Variants in AKAP9 observed in about 807,000 individuals in gnomAD.
The protein encoded by AKAP9 is A-kinase anchoring protein 9.
A neutral mutation model predicts 488.5 loss-of-function variants in AKAP9; 311 were observed. The observed-to-expected ratio is 0.64, with a 90% CI of 0.58 to 0.70. The LOEUF (loss-of-function observed/expected upper bound fraction) is 0.70. Ranked by LOEUF, AKAP9 falls within the 30% of genes least tolerant of loss-of-function variation. AKAP9 has a pLI of 0.00. For missense variants in AKAP9, 4,215 were observed against 4,374.5 expected (o/e 0.96, Z 1.03); for synonymous variants, 1,462 against 1,483.5 (o/e 0.99, Z 0.33).
In AKAP9 at chr7:92,066,459, T is replaced by C; in HGVS notation, c.6243T>C (p.Asp2081=). Residue 2081 remains aspartate, a synonymous_variant, in exon 26 of 50, where the codon GAT becomes GAC. Transcript: ENST00000356239. ...EQAIDREHER[D]VFQQEIQKLE... is the part of the protein sequence containing the mutation. ...CCATTGACAGAGAACATGAGAGAGATGTATTCCAACAGGAAATACAGAAAC... is the reference window on the plus strand; with the variant it reads ...CCATTGACAGAGAACATGAGAGAGACGTATTCCAACAGGAAATACAGAAAC... 1 of 1,613,452 alleles carries C rather than the reference T, an allele frequency of 6.2e-7. No individual in the cohort carries two copies. The highest frequency in any genetic ancestry group is 1.3e-5 in the African/African-American group (1 of 75,024).
In AKAP9 at chr7:92,066,505, GTTCC is replaced by G; in HGVS notation, c.6291_6294del (p.Pro2098AspfsTer16). ...GAAACTAGAACAGCAACTTAAGGTTGTTCCTCGATTCCAGCCTATCAGTGAACAT... is the reference window on the plus strand; with the variant it reads ...GAAACTAGAACAGCAACTTAAGGTTGTCGATTCCAGCCTATCAGTGAACAT... On this transcript the variant is annotated frameshift_variant, in exon 26 of 50. Transcript: ENST00000356239. LOFTEE classifies it high-confidence loss of function. 1 of 1,613,562 alleles carries G rather than the reference GTTCC, an allele frequency of 6.2e-7. No homozygotes were observed. The highest frequency in any genetic ancestry group is 8.5e-7 in the Non-Finnish European group (1 of 1,179,668).
intron 46 of AKAP9, 73 bp from the exon 47 acceptor site, chr7:92,105,605 A>G: frequency 9.5e-7 from 1 of 1,052,070 alleles, no homozygotes; most frequent in Non-Finnish European, 1.5e-6. Context: ...TAAACGTGTG[A>G]TGTGATTTTT....
chr7:91,941,079 C>T lies in AKAP9; in HGVS notation c.-21C>T, dbSNP rs776655265. ...AACCACCCCTCAACCCCTGTTTTCC[C>T]CTGCCTTCCTTGCAGAGGCCATGGA... On this transcript the variant is annotated 5_prime_UTR_variant, in exon 1 of 50. Transcript: ENST00000356239. 2 of 1,612,766 alleles carry T rather than the reference C, an allele frequency of 1.2e-6. No homozygotes were observed. The highest frequency in any genetic ancestry group is 1.7e-6 in the Non-Finnish European group (2 of 1,178,700).
chr7:92,043,968 G>A (rs1271965193), intron 20 of AKAP9, among the ~76,000 whole-genome samples: 1 of 152,166 alleles, frequency 6.6e-6, no homozygotes, highest in African/African-American at 2.4e-5. Flanking sequence ...TAGGACAAGA[G>A]AGTTGTTTAG....
At position 92,067,999 on chromosome 7, in the gene AKAP9, C is replaced by T. The variant is rs1811028389; in HGVS notation, c.6330+1453C>T. 3.3e-5 allele frequency among the ~76,000 whole-genome samples: 5 copies of T among 151,866 alleles called. No homozygotes were observed. The South Asian group carries it at 1.0e-3, about 32-fold the overall frequency. On this transcript the variant is annotated intron_variant, in intron 26 of 49. Coordinates refer to ENST00000356239, the MANE Select transcript of AKAP9 (RefSeq NM_005751.5). ...GATTTCATTTCTCTTAAAAGAAAGC[C>T]GAAGAAGTACAGAGTGCCAATAAAC...
Position 92,052,962 on chromosome 7 carries a change from A to G in AKAP9, c.5601+4A>G. The G allele has an allele frequency of 1.9e-6, 3 of 1,603,554 alleles. No homozygotes were observed. The highest frequency in any genetic ancestry group is 1.3e-5 in the African/African-American group (1 of 74,778). On this transcript the variant is annotated splice_donor_region_variant and intron_variant, in intron 22 of 49. Transcript: ENST00000356239. ...CATAAGTGAAACTAGCAGTCAGGTA[A>G]CCTCCTTATATTGCTAATATGTACT...
At chr7:92,044,691 AT>A in intron 20 of AKAP9, among the ~76,000 whole-genome samples, 1 of 152,010 alleles carries the variant, frequency 6.6e-6, no homozygotes, top group Non-Finnish European at 1.5e-5. Flanking sequence ...GTCTCCCAAG[AT>A]TTTCTCTTAA....
At chr7:91,986,484 C>T (rs1291426009) in intron 3 of AKAP9, among the ~76,000 whole-genome samples, 2 of 152,298 alleles carry the variant, frequency 1.3e-5, no homozygotes, top group African/African-American at 4.8e-5. Context: ...GTGTCGCTCA[C>T]GCTGGGAGCT....
chr7:91,997,831 CA>C (rs1411028255), intron 7 of AKAP9, among the ~76,000 whole-genome samples: 1 of 152,158 alleles, frequency 6.6e-6, no homozygotes. Context: ...ATACTTTTAT[CA>C]ATCTGTTTTT....
rs1415244493 is a variant in AKAP9 at position 91,987,642 on chromosome 7, C to G, written c.352-4516C>G. Among the ~76,000 whole-genome samples the G allele has an allele frequency of 2.0e-5, 3 of 152,082 alleles. No homozygotes were observed. The East Asian group carries it at 5.8e-4, about 29-fold the overall frequency. On this transcript the variant is annotated intron_variant, in intron 3 of 49. Transcript: ENST00000356239. ...GTCATCAAAATTGCTAAGATGGATA[C>G]TAGTTGGATCTGTGATGCTCTAGGC...
At chr7:92,092,211 A>G (rs1439044539) in intron 38 of AKAP9, 1 of 152,192 alleles carries the variant, frequency 6.6e-6, no homozygotes, top group Non-Finnish European at 1.5e-5. Flanking sequence ...GGCATTTAAA[A>G]TTTTCAGTTT....
chr7:92,015,268 T>C (rs1329397082), intron 10 of AKAP9, among the ~76,000 whole-genome samples: 1 of 152,180 alleles, frequency 6.6e-6, no homozygotes, highest in Non-Finnish European at 1.5e-5. Context: ...ATGATAGAAG[T>C]GTCTGTTGCT....
At chr7:92,108,407 T>G in intron 48 of AKAP9, 87 bp from the exon 49 acceptor site, 4 of 1,381,122 alleles carry the variant, frequency 2.9e-6, no homozygotes, top group Non-Finnish European at 4.1e-6. Context: ...TGACCCACCT[T>G]TTTGGGGAAG....
intron 3 of AKAP9, among the ~76,000 whole-genome samples, chr7:91,985,077 C>G (rs191177507): frequency 1.9e-3 from 290 of 152,310 alleles, no homozygotes; most frequent in African/African-American, 6.5e-3. Context: ...GATTTGACTT[C>G]CTCTTTTCCT....
chr7:92,081,450 A>G, intron 31 of AKAP9, among the ~76,000 whole-genome samples: 1 of 147,772 alleles, frequency 6.8e-6, no homozygotes, highest in East Asian at 2.0e-4. Context: ...GATTACAGAC[A>G]CGCACCACCA....
chr7:91,983,414 G>A (rs1185056476), intron 3 of AKAP9, among the ~76,000 whole-genome samples: 1 of 152,130 alleles, frequency 6.6e-6, no homozygotes, highest in Non-Finnish European at 1.5e-5. Flanking sequence ...GTATTCCATG[G>A]TGTATATGTG....
At position 92,083,488 on chromosome 7, in the gene AKAP9, A is replaced by G; in HGVS notation, c.8479A>G (p.Lys2827Glu). Residue 2827 changes from lysine to glutamate, a missense_variant, in exon 33 of 50, where the codon AAA becomes GAA. Physicochemically the swap from Lys to Glu is moderately conservative, Grantham distance 56. Around this residue, in one of 5 missense-constraint regions of AKAP9, gnomAD observed 1,476 missense variants for 1,477.4 expected, o/e 1.00. Coordinates refer to ENST00000356239, the MANE Select transcript of AKAP9 (RefSeq NM_005751.5). ...TGAAATAATCAGTCAGTTTACTGAA[A>G]AAATTGAGAAGATGCAAGAACTACA... ...VTEIISQFTE[K>E]IEKMQELHAA... is the part of the protein sequence containing the mutation. 1 of 1,612,286 alleles carries G rather than the reference A, an allele frequency of 6.2e-7. No individual in the cohort carries two copies. Among genetic ancestry groups the G allele is most frequent in the South Asian group, 1.1e-5 (1 of 90,618 alleles).
rs765220786 is a variant in AKAP9 at position 92,099,889 on chromosome 7, C to T, written c.10896+20C>T. 6.8e-6 allele frequency: 11 copies of T among 1,610,912 alleles called. No homozygotes were observed. In the African/African-American group the frequency reaches 1.5e-4, roughly 22 times the overall value. On this transcript the variant is annotated intron_variant, in intron 44 of 49. Transcript: ENST00000356239. The stretch of plus-strand genomic sequence containing the variant: ...GATAATGTATGTCCATTTTTAGCAT[C>T]TCCATATATGAGAATTAGTGCATGC...
At chr7:92,021,239 GTTT>G (rs1468541903) in intron 12 of AKAP9, among the ~76,000 whole-genome samples, 55 of 152,184 alleles carry the variant, frequency 3.6e-4, no homozygotes, top group Non-Finnish European at 7.2e-4. Flanking sequence ...AAATTTTATA[GTTT>G]AGCCGTTCTC....
Sources: allele counts gnomAD v4.1 joint callset (sites outside exome capture counted in the v4.1 genomes callset), GRCh38; gene constraint gnomAD v4.1.1; regional missense constraint gnomAD v4.1.1; transcripts MANE v1.5; gene names NCBI Gene and HGNC (gene_info 2026-07-23, HGNC 2026-07-21).